The following FAM13A variants were observed in gnomAD, a reference collection of about 807,000 sequenced individuals.
The protein encoded by FAM13A is family with sequence similarity 13 member A, also known as protein FAM13A.
Under a neutral mutation model 129.6 loss-of-function variants are expected in FAM13A, and 76 were observed. The observed-to-expected ratio is 0.59, with a 90% CI of 0.49 to 0.71. The LOEUF (loss-of-function observed/expected upper bound fraction) is 0.71, where lower values mean the gene tolerates loss of function less well. FAM13A is among the 30% of genes least tolerant of loss of function. FAM13A has a pLI of 0.00. For missense variants in FAM13A, 1,108 were observed against 1,249.3 expected, an observed-to-expected ratio of 0.89 and a Z score of 1.70; for synonymous variants, 443 against 449.9, an observed-to-expected ratio of 0.98 and a Z score of 0.20.
rs181804636 is a variant in FAM13A at position 88,789,725 on chromosome 4, A to C, written c.1091+861T>G. Among the ~76,000 whole-genome samples the C allele has an allele frequency of 1.4e-4, 21 of 152,290 alleles. No individual in the cohort carries two copies. In the South Asian group the frequency reaches 1.5e-3, roughly 11 times the overall value. ...AATAATGTAATTTCCAATAGTAATA[A>C]GTTCTCTAAAACATTGAGTAAAGTG... On this transcript the variant is annotated intron_variant, in intron 9 of 23. Transcript: ENST00000264344.
intron 6 of FAM13A, among the ~76,000 whole-genome samples, chr4:88,863,909 AAAAC>A (rs1275351921): frequency 1.3e-5 from 2 of 152,232 alleles, no homozygotes; most frequent in Non-Finnish European, 2.9e-5. Context: ...CATGAAGCAG[AAAAC>A]AAACAAGTTC....
At chr4:88,996,717 G>A (rs1763595874) in intron 3 of FAM13A, among the ~76,000 whole-genome samples, 1 of 151,966 alleles carries the variant, frequency 6.6e-6, no homozygotes, top group Admixed American at 6.6e-5. Flanking sequence ...TGCCAGGAAG[G>A]TCTCCTTGAA....
intron 8 of FAM13A, among the ~76,000 whole-genome samples, chr4:88,804,688 CATATGT>C (rs1210617077): frequency 7.4e-6 from 1 of 136,002 alleles, no homozygotes; most frequent in African/African-American, 2.8e-5. Context: ...CTAACCTATG[CATATGT>C]ATATGTATAA....
At chr4:88,974,456 C>A (rs76058511) in intron 4 of FAM13A, among the ~76,000 whole-genome samples, 1 of 151,980 alleles carries the variant, frequency 6.6e-6, no homozygotes, top group East Asian at 1.9e-4. Context: ...GACCAGGAAC[C>A]AAAAGTCACC....
chr4:89,034,545 C>T (rs1020557613), intron 1 of FAM13A, among the ~76,000 whole-genome samples: 2 of 152,198 alleles, frequency 1.3e-5, no homozygotes, highest in Non-Finnish European at 2.9e-5. Context: ...AATAGAACTA[C>T]CATTTAACCC....
intron 14 of FAM13A, among the ~76,000 whole-genome samples, chr4:88,752,525 C>T (rs2149482066): frequency 6.6e-6 from 1 of 152,268 alleles, no homozygotes; most frequent in South Asian, 2.1e-4. Context: ...GAAATGAAAG[C>T]AGTGTTAAAG....
At chr4:88,948,367 T>A (rs1439190350) in intron 4 of FAM13A, among the ~76,000 whole-genome samples, 3 of 152,024 alleles carry the variant, frequency 2.0e-5, no homozygotes, top group Non-Finnish European at 4.4e-5. Flanking sequence ...AAAAGTTACG[T>A]GAAGGAAGCT....
intron 5 of FAM13A, among the ~76,000 whole-genome samples, chr4:88,921,536 G>C (rs1751090011): frequency 6.6e-6 from 1 of 152,062 alleles, no homozygotes; most frequent in Non-Finnish European, 1.5e-5. Flanking sequence ...TACCATAAAA[G>C]AGCTCCTGAA....
chr4:88,877,593 G>C (rs1043498395), intron 6 of FAM13A, among the ~76,000 whole-genome samples: 4 of 152,190 alleles, frequency 2.6e-5, no homozygotes, highest in Non-Finnish European at 1.5e-5. Flanking sequence ...ACATCAAAAT[G>C]CTAAGAGTAA....
intron 6 of FAM13A, among the ~76,000 whole-genome samples, chr4:88,864,945 G>A (rs541852824): frequency 1.3e-5 from 2 of 152,126 alleles, no homozygotes; most frequent in East Asian, 1.9e-4. Flanking sequence ...AGCATCACAG[G>A]GTATTTCAAA....
At chr4:89,050,142 C>A (rs999243261) in intron 1 of FAM13A, among the ~76,000 whole-genome samples, 6 of 152,178 alleles carry the variant, frequency 3.9e-5, no homozygotes, top group Non-Finnish European at 8.8e-5. Flanking sequence ...TAGTCAGTGA[C>A]GAAAACCAGG....
intron 6 of FAM13A, among the ~76,000 whole-genome samples, chr4:88,899,428 A>G (rs1561284707): frequency 6.6e-6 from 1 of 152,106 alleles, no homozygotes; most frequent in Non-Finnish European, 1.5e-5. Context: ...ACAAATCACC[A>G]CTAAAGAACT....
chr4:88,735,321 G>A (rs1738761681), intron 21 of FAM13A, among the ~76,000 whole-genome samples: 1 of 152,086 alleles, frequency 6.6e-6, no homozygotes, highest in Non-Finnish European at 1.5e-5. Flanking sequence ...TACATATTAT[G>A]TAATTAACAA....
At position 88,938,093 on chromosome 4, in the gene FAM13A, C is replaced by A; in HGVS notation, c.754G>T (p.Val252Leu). The change falls in exon 5 of 24, where the codon GTA (valine) becomes TTA (leucine). Residue 252 changes from valine to leucine, a missense_variant. This residue lies in a region of FAM13A where 566 missense variants were observed against 595.7 expected (regional missense o/e 0.95). Transcript: ENST00000264344. ...TTAAAAACCAAGTTGCTTACTTTTA[C>A]TATGATAAGCCTAGCCAGGTTTTCA... ...RCENLARLII[V>L]KEVYYKNSLP... 6.2e-7 allele frequency: 1 copy of A among 1,612,490 alleles called. No homozygotes were observed. The highest frequency in any genetic ancestry group is 8.5e-7 in the Non-Finnish European group (1 of 1,178,800).
At chr4:88,947,085 G>A (rs893365553) in intron 4 of FAM13A, among the ~76,000 whole-genome samples, 20 of 152,028 alleles carry the variant, frequency 1.3e-4, no homozygotes, top group African/African-American at 4.4e-4. Flanking sequence ...GCACCTGCAC[G>A]AGGCCCAAGA....
chr4:88,758,747 A>T lies in FAM13A; in HGVS notation c.1726+7T>A. ...TAGCAAATCATCCAAGTATCAGACA[A>T]CCCTACCTTCCCAGTTCTTTTCATC... is the stretch of plus-strand genomic sequence containing the variant. On this transcript the variant is annotated splice_region_variant and intron_variant, in intron 14 of 23. Coordinates refer to ENST00000264344, the MANE Select transcript of FAM13A (RefSeq NM_014883.4). 2 of 1,610,318 alleles carry T rather than the reference A, an allele frequency of 1.2e-6. No individual in the cohort carries two copies. Among genetic ancestry groups the T allele is most frequent in the Non-Finnish European group, 1.7e-6 (2 of 1,177,890 alleles).
intron 3 of FAM13A, among the ~76,000 whole-genome samples, chr4:89,009,372 C>G (rs1218517755): frequency 1.3e-5 from 2 of 152,178 alleles, no homozygotes; most frequent in African/African-American, 2.4e-5. Flanking sequence ...ACGCCACTAC[C>G]TCTCCTTACA....
At chr4:88,974,931 T>C (rs916946160) in intron 4 of FAM13A, among the ~76,000 whole-genome samples, 2 of 152,182 alleles carry the variant, frequency 1.3e-5, no homozygotes, top group African/African-American at 4.8e-5. Context: ...ATCACAACTG[T>C]AATTCAGTAA....
At chr4:88,733,774 A>G (rs1257936556) in intron 21 of FAM13A, among the ~76,000 whole-genome samples, 1 of 152,226 alleles carries the variant, frequency 6.6e-6, no homozygotes, top group South Asian at 2.1e-4. Context: ...GAACTACAAA[A>G]AATTACTATT....
Sources: gnomAD v4.1 joint callset for allele counts (sites outside exome capture counted in the v4.1 genomes callset) on GRCh38, gnomAD v4.1.1 for gene constraint, gnomAD v4.1.1 regional missense constraint, MANE v1.5 for transcripts, NCBI Gene and HGNC (gene_info 2026-07-23, HGNC 2026-07-21) for gene names.